The following MAP2K5 variants were observed in gnomAD, a reference collection of about 807,000 sequenced individuals.
MAP2K5 encodes the protein dual specificity mitogen-activated protein kinase kinase 5.
MAP2K5 carries 49 observed loss-of-function variants against 83.1 expected under a neutral mutation model. That is an observed-to-expected ratio of 0.59 (90% CI 0.47 to 0.75). MAP2K5 has a LOEUF of 0.75. Among genes scored for constraint, MAP2K5 ranks in the 30% least tolerant of loss-of-function variants. The probability of loss-of-function intolerance (pLI) is 0.00; values close to 1 mark genes in which losing one functional copy is unlikely to be tolerated. For synonymous variants in MAP2K5, 202 were observed against 191.8 expected, an observed-to-expected ratio of 1.05 and a Z score of -0.44; for missense variants, 457 against 557.5, an observed-to-expected ratio of 0.82 and a Z score of 1.82.
chr15:67,631,353 G>A (rs945446144), intron 9 of MAP2K5, among the ~76,000 whole-genome samples: 1 of 152,102 alleles, frequency 6.6e-6, no homozygotes, highest in African/African-American at 2.4e-5. Context: ...CCATTGCCAT[G>A]GTCTTGGATC....
chr15:67,658,667 C>A, intron 12 of MAP2K5, 53 bp downstream of exon 12: 3 of 1,388,386 alleles, frequency 2.2e-6, no homozygotes, highest in South Asian at 1.2e-5. Flanking sequence ...TCCTTCTAAT[C>A]AAGCTCATTC....
intron 16 of MAP2K5, among the ~76,000 whole-genome samples, chr15:67,727,100 T>G (rs546779573): frequency 8.5e-5 from 13 of 152,202 alleles, no homozygotes; most frequent in African/African-American, 3.1e-4. Context: ...CTTGGGAGGC[T>G]GAGACAAGAG....
At chr15:67,609,105 T>C (rs917184203) in intron 8 of MAP2K5, among the ~76,000 whole-genome samples, 1 of 152,206 alleles carries the variant, frequency 6.6e-6, no homozygotes, top group African/African-American at 2.4e-5. Context: ...ATTCCCACTT[T>C]GACCTGGACA....
intron 13 of MAP2K5, among the ~76,000 whole-genome samples, chr15:67,686,239 T>C (rs2087949769): frequency 6.6e-6 from 1 of 152,118 alleles, no homozygotes; most frequent in Admixed American, 6.5e-5. Context: ...AACTGTACAG[T>C]GTTTGCAGGA....
chr15:67,761,471 G>T (rs940654749), intron 19 of MAP2K5, among the ~76,000 whole-genome samples: 1 of 152,182 alleles, frequency 6.6e-6, no homozygotes, highest in South Asian at 2.1e-4. Context: ...ACTCATACAC[G>T]CAGCCACTGG....
At chr15:67,610,426 T>A (rs4776369) in intron 8 of MAP2K5, among the ~76,000 whole-genome samples, 126,836 of 152,130 alleles carry the variant, frequency 0.83, 53,728 homozygotes, top group Middle Eastern at 0.93. Flanking sequence ...AAGACACGTT[T>A]CTTTTTTATA....
chr15:67,563,831 A>T lies in MAP2K5; in HGVS notation c.252+481A>T, dbSNP rs916261674. On this transcript the variant is annotated intron_variant, in intron 3 of 21. Transcript: ENST00000178640. This position sits in a 1 kb window ranked among gnomAD's most constrained non-coding sequence, Gnocchi z 4.5. Reference sequence around the variant, plus strand: ...ACCCATAATACTCCCACCGAAAATGAACTACAGGGCTACTTACTGAATCAA... The same window carrying T: ...ACCCATAATACTCCCACCGAAAATGTACTACAGGGCTACTTACTGAATCAA... Among the ~76,000 whole-genome samples the T allele has an allele frequency of 2.3e-4, 35 of 152,184 alleles. No homozygotes were observed. The highest frequency in any genetic ancestry group is 7.0e-4 in the African/African-American group (29 of 41,442).
intron 8 of MAP2K5, among the ~76,000 whole-genome samples, chr15:67,614,953 C>T (rs2086022180): frequency 6.6e-6 from 1 of 152,052 alleles, no homozygotes; most frequent in Admixed American, 6.6e-5. Context: ...GACCTCATAA[C>T]ATATTTGACT....
At chr15:67,696,143 T>C (rs2088249835) in intron 15 of MAP2K5, among the ~76,000 whole-genome samples, 1 of 151,764 alleles carries the variant, frequency 6.6e-6, no homozygotes, top group African/African-American at 2.4e-5. Flanking sequence ...TTTTTTTTTT[T>C]TTAACCACAA....
chr15:67,571,286 T>C (rs951652294), intron 3 of MAP2K5, among the ~76,000 whole-genome samples: 2 of 152,214 alleles, frequency 1.3e-5, no homozygotes, highest in African/African-American at 2.4e-5. Flanking sequence ...AGATCCCAGG[T>C]TAATACCTCT....
rs1486359852 is a variant in MAP2K5, at chr15:67,774,217, A to AT, written c.1242+1468dup. 6.6e-6 allele frequency among the ~76,000 whole-genome samples: 1 copy of AT among 151,932 alleles called. No homozygotes were observed. Among genetic ancestry groups the AT allele is most frequent in the East Asian group, 1.9e-4 (1 of 5,186 alleles). On this transcript the variant is annotated intron_variant, in intron 21 of 21. Coordinates refer to ENST00000178640, the MANE Select transcript of MAP2K5 (RefSeq NM_145160.3). This position sits in a 1 kb window ranked among gnomAD's most constrained non-coding sequence, Gnocchi z 4.9. ...TGTGTGTGTGTGAGAGAACATAGGT[A>AT]TTTAGATATATCTCTTTACAACTCT...
rs1473921330 is a variant in MAP2K5, at chr15:67,636,759, C to T, written c.585+5832C>T. Among the ~76,000 whole-genome samples, 5 of 151,952 alleles carry T rather than the reference C, an allele frequency of 3.3e-5. No individual in the cohort carries two copies. In the East Asian group the frequency reaches 9.6e-4, roughly 29 times the overall value. On this transcript the variant is annotated intron_variant, in intron 9 of 21. Transcript: ENST00000178640. The surrounding 1 kb of genome is among the most constrained non-coding windows in gnomAD (Gnocchi z 4.7). ...TGGTGGGTAATATTGAGTGTTAACT[C>T]GATTGGGTTGAAGGATGCAAAGTAT...
At chr15:67,715,244 G>C (rs3784698) in intron 16 of MAP2K5, among the ~76,000 whole-genome samples, 103,901 of 150,394 alleles carry the variant, frequency 0.69, 36,785 homozygotes, top group Non-Finnish European at 0.76. Context: ...GGAGGGGGGG[G>C]GTCTAAAATT....
At chr15:67,803,914 C>G (rs1289429302) in intron 21 of MAP2K5, among the ~76,000 whole-genome samples, 2 of 152,186 alleles carry the variant, frequency 1.3e-5, no homozygotes, top group Non-Finnish European at 2.9e-5. Context: ...GGTTCAGTCC[C>G]ATGTCTGGGA....
chr15:67,621,957 G>A (rs1379531198), intron 8 of MAP2K5, among the ~76,000 whole-genome samples: 2 of 152,146 alleles, frequency 1.3e-5, no homozygotes, highest in African/African-American at 4.8e-5. Context: ...GCCAAGGTGG[G>A]TGGATCACCT....
intron 3 of MAP2K5, among the ~76,000 whole-genome samples, chr15:67,568,023 T>C (rs2084876159): frequency 6.6e-6 from 1 of 152,226 alleles, no homozygotes; most frequent in Non-Finnish European, 1.5e-5. Flanking sequence ...CTAAATCCTG[T>C]GTCTAGGGAT....
chr15:67,648,491 G>A (rs2086879188), intron 11 of MAP2K5, among the ~76,000 whole-genome samples: 1 of 151,560 alleles, frequency 6.6e-6, no homozygotes, highest in Non-Finnish European at 1.5e-5. Flanking sequence ...TGGACATTTG[G>A]GATAGTTCTA....
intron 8 of MAP2K5, 51 bp downstream of exon 8, chr15:67,600,800 G>A: frequency 2.2e-6 from 3 of 1,367,446 alleles, no homozygotes; most frequent in Non-Finnish European, 3.1e-6. Context: ...CAAATACTGA[G>A]TATCCAAGTT....
intron 3 of MAP2K5, among the ~76,000 whole-genome samples, chr15:67,574,623 CTT>C (rs2085016361): frequency 1.3e-5 from 2 of 149,544 alleles, no homozygotes; most frequent in African/African-American, 4.9e-5. Context: ...AATCCCAGCA[CTT>C]TGGGAGGCCG....
Sources: gnomAD v4.1 joint callset for allele counts (sites outside exome capture counted in the v4.1 genomes callset) on GRCh38, gnomAD v4.1.1 for gene constraint, Gnocchi (gnomAD v3.1) non-coding constraint, MANE v1.5 for transcripts, NCBI Gene and HGNC (gene_info 2026-07-23, HGNC 2026-07-21) for gene names.